The following PLCB4 variants were observed in gnomAD, a reference collection of about 807,000 sequenced individuals.
PLCB4 encodes the protein phospholipase C beta 4, also known as 1-phosphatidylinositol 4,5-bisphosphate phosphodiesterase beta-4.
PLCB4 carries 77 observed loss-of-function variants against 178.8 expected under a neutral mutation model. That is an observed-to-expected ratio of 0.43 (90% CI 0.36 to 0.52). The LOEUF is 0.52. Among genes scored for constraint, PLCB4 ranks in the 20% least tolerant of loss-of-function variants. The pLI, the probability that PLCB4 is intolerant of heterozygous loss-of-function variation, is 0.00. For missense variants in PLCB4, 1,024 were observed against 1,453.4 expected (o/e 0.70, Z 4.80); for synonymous variants, 496 against 490.8 (o/e 1.01, Z -0.14).
chr20:9,186,247 T>A (rs911377023), intron 2 of PLCB4, among the ~76,000 whole-genome samples: 9 of 152,208 alleles, frequency 5.9e-5, no homozygotes, highest in African/African-American at 2.2e-4. Context: ...GGTTTCAGAC[T>A]TCACATTTTA....
chr20:9,171,491 A>G lies in PLCB4; in HGVS notation c.-78-45899A>G, dbSNP rs953056810. On this transcript the variant is annotated intron_variant, in intron 2 of 39. Coordinates refer to ENST00000378473, the MANE Select transcript of PLCB4 (RefSeq NM_001377142.1). ...ATGTATAGTTGTCAAACTATAGACC[A>G]GAACAACAAGAATCTGTATGTGCAT... 6.6e-5 allele frequency among the ~76,000 whole-genome samples: 10 copies of G among 152,354 alleles called. No homozygotes were observed. The East Asian group carries it at 1.7e-3, about 26-fold the overall frequency.
chr20:9,252,133 T>C (rs1429574583), intron 3 of PLCB4, among the ~76,000 whole-genome samples: 1 of 152,122 alleles, frequency 6.6e-6, no homozygotes, highest in Non-Finnish European at 1.5e-5. Flanking sequence ...AGTAACCAAA[T>C]CAGTAGCAGA....
At chr20:9,150,019 G>A (rs1394934645) in intron 2 of PLCB4, among the ~76,000 whole-genome samples, 1 of 152,190 alleles carries the variant, frequency 6.6e-6, no homozygotes, top group African/African-American at 2.4e-5. Context: ...TCCTCCAGCT[G>A]AGGGAATTTT....
At chr20:9,354,695 G>T (rs1205772353) in intron 7 of PLCB4, among the ~76,000 whole-genome samples, 2 of 152,210 alleles carry the variant, frequency 1.3e-5, no homozygotes, top group Non-Finnish European at 2.9e-5. Context: ...AATTTGTGTA[G>T]AAATAAGGTA....
intron 25 of PLCB4, among the ~76,000 whole-genome samples, chr20:9,413,528 G>A (rs1425335438): frequency 1.3e-5 from 2 of 151,780 alleles, no homozygotes; most frequent in African/African-American, 4.8e-5. Flanking sequence ...GCGTGGTGGC[G>A]GGCACCTGTA....
At chr20:9,114,779 A>T (rs535231551) in intron 2 of PLCB4, among the ~76,000 whole-genome samples, 1 of 152,200 alleles carries the variant, frequency 6.6e-6, no homozygotes, top group African/African-American at 2.4e-5. Context: ...GAGGATTAAC[A>T]TGGCTTCCTA....
intron 17 of PLCB4, among the ~76,000 whole-genome samples, chr20:9,391,036 A>G (rs554490873): frequency 2.0e-5 from 3 of 152,184 alleles, no homozygotes; most frequent in Non-Finnish European, 4.4e-5. Flanking sequence ...GGTGAACTGT[A>G]TATGCACCCG....
chr20:9,303,622 A>T (rs1332169787), intron 3 of PLCB4, among the ~76,000 whole-genome samples: 1 of 152,152 alleles, frequency 6.6e-6, no homozygotes, highest in African/African-American at 2.4e-5. Context: ...TAACTTGGAT[A>T]TTGTGAATAG....
rs1008924594 is a variant in PLCB4, at chr20:9,473,435, A to C, written c.3495+70A>C. Reference sequence around the variant, plus strand: ...CTTTGGGATACACATGCCATGGCCCACAGTGACCAGTGGCTTGCATATTGT... The same window carrying C: ...CTTTGGGATACACATGCCATGGCCCCCAGTGACCAGTGGCTTGCATATTGT... On this transcript the variant is annotated intron_variant, in intron 38 of 39. Transcript: ENST00000378473. 4.0e-5 allele frequency: 32 copies of C among 806,608 alleles called. 1 individual carries two copies. In the South Asian group the frequency reaches 5.2e-4, roughly 13 times the overall value. 50.0% of individuals were successfully genotyped at this position (806,608 alleles called of 1,614,324 possible). A position where few individuals can be genotyped will look rare whatever the true frequency, so the allele number is the denominator to read the frequency against.
At chr20:9,181,905 A>G (rs1001522553) in intron 2 of PLCB4, among the ~76,000 whole-genome samples, 17 of 146,162 alleles carry the variant, frequency 1.2e-4, no homozygotes, top group African/African-American at 3.6e-4. Context: ...GAGAAAGAAG[A>G]TCAATAATAG....
intron 3 of PLCB4, among the ~76,000 whole-genome samples, chr20:9,239,174 C>T (rs2094027899): frequency 6.6e-6 from 1 of 152,158 alleles, no homozygotes; most frequent in African/African-American, 2.4e-5. Context: ...TCTGTCTTGA[C>T]TCCTTACCCT....
At chr20:9,234,377 G>A (rs1205119522) in intron 3 of PLCB4, among the ~76,000 whole-genome samples, 1 of 152,126 alleles carries the variant, frequency 6.6e-6, no homozygotes, top group African/African-American at 2.4e-5. Context: ...AGCCTCTAAA[G>A]CTTTGGGGCC....
intron 19 of PLCB4, among the ~76,000 whole-genome samples, chr20:9,398,502 A>G (rs541558109): frequency 6.6e-5 from 10 of 152,240 alleles, no homozygotes; most frequent in Non-Finnish European, 1.2e-4. Context: ...GTTAAATTTC[A>G]TAGATGGTAA....
chr20:9,460,942 TC>T (rs913973657), intron 35 of PLCB4, among the ~76,000 whole-genome samples: 2 of 152,198 alleles, frequency 1.3e-5, no homozygotes, highest in African/African-American at 4.8e-5. Flanking sequence ...TTTAAAGCAT[TC>T]TATTTCGTCC....
chr20:9,423,007 G>T (rs1024616443), intron 27 of PLCB4, among the ~76,000 whole-genome samples: 3 of 152,156 alleles, frequency 2.0e-5, no homozygotes, highest in Non-Finnish European at 4.4e-5. Flanking sequence ...AAACACATTG[G>T]ATACCCTTTT....
At chr20:9,395,147 C>A (rs969275386) in intron 18 of PLCB4, among the ~76,000 whole-genome samples, 2 of 152,084 alleles carry the variant, frequency 1.3e-5, no homozygotes, top group African/African-American at 2.4e-5. Flanking sequence ...TCTATCAGTT[C>A]CCCATAACTG....
At chr20:9,444,157 G>A in intron 31 of PLCB4, 21 bp from the exon 32 acceptor site, 2 of 1,560,238 alleles carry the variant, frequency 1.3e-6, no homozygotes, top group Non-Finnish European at 1.8e-6. Context: ...ACCTATTTTT[G>A]ATTCTATTTT....
intron 3 of PLCB4, among the ~76,000 whole-genome samples, chr20:9,223,734 G>T (rs2093828692): frequency 6.6e-6 from 1 of 152,232 alleles, no homozygotes; most frequent in African/African-American, 2.4e-5. Flanking sequence ...GTCATGCATG[G>T]TCACGTCTAT....
At chr20:9,337,283 T>A in intron 5 of PLCB4, 77 bp downstream of exon 5, 1 of 950,616 alleles carries the variant, frequency 1.1e-6, no homozygotes, top group South Asian at 1.3e-5. Flanking sequence ...GTAGACTGAG[T>A]GCTGTTGATG....
Sources: allele counts gnomAD v4.1 joint callset (sites outside exome capture counted in the v4.1 genomes callset), GRCh38; gene constraint gnomAD v4.1.1; transcripts MANE v1.5; gene names NCBI Gene and HGNC (gene_info 2026-07-23, HGNC 2026-07-21).